The following HMCN1 variants were observed in gnomAD, a reference collection of about 807,000 sequenced individuals.
HMCN1 encodes hemicentin-1.
Under a neutral mutation model 625.9 loss-of-function variants are expected in HMCN1, and 321 were observed. That is an observed-to-expected ratio of 0.51 (90% CI 0.47 to 0.56). The LOEUF (loss-of-function observed/expected upper bound fraction) is 0.56, where lower values mean the gene tolerates loss of function less well. Among genes scored for constraint, HMCN1 ranks in the 20% least tolerant of loss-of-function variants. The pLI, the probability that HMCN1 is intolerant of heterozygous loss-of-function variation, is 0.00. For missense variants in HMCN1, 6,588 were observed against 6,887.3 expected (o/e 0.96, Z 1.54); for synonymous variants, 2,425 against 2,417.6 (o/e 1.00, Z -0.09).
At chr1:185,735,885 A>C (rs1410752262) in intron 1 of HMCN1, among the ~76,000 whole-genome samples, 3 of 152,208 alleles carry the variant, frequency 2.0e-5, no homozygotes, top group African/African-American at 7.2e-5. Flanking sequence ...TGGGGCTGGC[A>C]GTCTAATGTC....
At chr1:185,983,463 TGA>T (rs931440060) in intron 18 of HMCN1, among the ~76,000 whole-genome samples, 2 of 152,102 alleles carry the variant, frequency 1.3e-5, no homozygotes, top group African/African-American at 4.8e-5. Context: ...AAAAGTGAAT[TGA>T]CTCCATCTAA....
chr1:185,775,724 G>T (rs1656554048), intron 1 of HMCN1, among the ~76,000 whole-genome samples: 1 of 152,172 alleles, frequency 6.6e-6, no homozygotes, highest in Non-Finnish European at 1.5e-5. Context: ...CATGTGAATT[G>T]GGGAAGACCT....
At chr1:186,015,772 T>G (rs1214855415) in intron 31 of HMCN1, among the ~76,000 whole-genome samples, 186 bp from the exon 32 acceptor site, 1 of 152,106 alleles carries the variant, frequency 6.6e-6, no homozygotes, top group African/African-American at 2.4e-5. Flanking sequence ...CCAGAATAAT[T>G]AGGACAGTTA....
At chr1:185,956,651 T>C (rs1288813217) in intron 11 of HMCN1, among the ~76,000 whole-genome samples, 1 of 152,132 alleles carries the variant, frequency 6.6e-6, no homozygotes, top group Non-Finnish European at 1.5e-5. Context: ...TTTATGGAGA[T>C]GTCCTTCTGT....
chr1:185,893,552 G>A (rs539721024), intron 4 of HMCN1, among the ~76,000 whole-genome samples: 3 of 152,038 alleles, frequency 2.0e-5, no homozygotes, highest in South Asian at 2.1e-4. Flanking sequence ...ATGGTTTCCC[G>A]AGTGTGTGGT....
intron 78 of HMCN1, 126 bp from the exon 79 acceptor site, chr1:186,119,619 T>C: frequency 2.0e-6 from 2 of 1,013,996 alleles, no homozygotes; most frequent in Admixed American, 4.1e-5. Context: ...TTCACTTTTC[T>C]CTTGGGCAAT....
chr1:185,957,002 T>C (rs1024727491), intron 11 of HMCN1: 4 of 152,250 alleles, frequency 2.6e-5, no homozygotes, highest in African/African-American at 9.6e-5. Flanking sequence ...AATAGATGTA[T>C]AATTCCTTAA....
intron 1 of HMCN1, among the ~76,000 whole-genome samples, chr1:185,752,914 C>T (rs369800821): frequency 6.6e-6 from 1 of 152,000 alleles, no homozygotes; most frequent in African/African-American, 2.4e-5. Context: ...CCTTTATAAA[C>T]CTAGAGGCAA....
intron 41 of HMCN1, among the ~76,000 whole-genome samples, chr1:186,048,351 A>T (rs1057194312): frequency 1.3e-5 from 2 of 152,196 alleles, no homozygotes; most frequent in Non-Finnish European, 2.9e-5. Context: ...GGAGAAAGAT[A>T]AATGTAATAT....
At chr1:186,074,334 T>C (rs1356087026) in intron 52 of HMCN1, among the ~76,000 whole-genome samples, 2 of 151,958 alleles carry the variant, frequency 1.3e-5, no homozygotes, top group African/African-American at 4.8e-5. Flanking sequence ...TATACTAATG[T>C]GCTCAATCTT....
At chr1:186,154,262 C>T (rs1046822523) in intron 97 of HMCN1, among the ~76,000 whole-genome samples, 4 of 152,140 alleles carry the variant, frequency 2.6e-5, no homozygotes, top group East Asian at 1.9e-4. Context: ...TATAATGTGG[C>T]GGGGCGTGGT....
At chr1:186,000,482 C>T (rs959507459) in intron 26 of HMCN1, among the ~76,000 whole-genome samples, 14 of 150,896 alleles carry the variant, frequency 9.3e-5, no homozygotes, top group African/African-American at 3.2e-4. Context: ...GTCTCCTGAC[C>T]CTGTGCTGAG....
At chr1:186,175,380 T>C (rs1652495550) in intron 103 of HMCN1, among the ~76,000 whole-genome samples, 1 of 152,218 alleles carries the variant, frequency 6.6e-6, no homozygotes, top group Admixed American at 6.5e-5. Context: ...GTTGCCTTCT[T>C]GTCCACTTAA....
intron 97 of HMCN1, among the ~76,000 whole-genome samples, chr1:186,157,479 C>G (rs989439588): frequency 1.3e-5 from 2 of 152,020 alleles, no homozygotes; most frequent in African/African-American, 2.4e-5. Context: ...ATTTTGGGAA[C>G]ATTAAGCAAC....
At chr1:186,182,105 G>T in intron 104 of HMCN1, 63 bp from the exon 105 acceptor site, 1 of 1,589,252 alleles carries the variant, frequency 6.3e-7, no homozygotes, top group Non-Finnish European at 8.6e-7. Flanking sequence ...ATGAGAGTTG[G>T]CTCTGTCACA....
Position 186,065,590 on chromosome 1 carries a change from A to G in HMCN1, c.7705+161A>G, listed in dbSNP as rs532380908. 2.6e-5 allele frequency among the ~76,000 whole-genome samples: 4 copies of G among 152,298 alleles called. No homozygotes were observed. In the South Asian group the frequency reaches 6.2e-4, roughly 24 times the overall value. The stretch of plus-strand genomic sequence containing the variant: ...TACTATTTTTCCTGAATTAATTTAT[A>G]AATTAATTTATGACATATGGAATAC... On this transcript the variant is annotated intron_variant, in intron 49 of 106. Coordinates refer to ENST00000271588, the MANE Select transcript of HMCN1 (RefSeq NM_031935.3).
At chr1:186,151,508 C>T (rs959274601) in intron 94 of HMCN1, 98 bp from the exon 95 acceptor site, 13 of 1,364,554 alleles carry the variant, frequency 9.5e-6, no homozygotes, top group Non-Finnish European at 1.3e-5. Context: ...TGGTATTCAA[C>T]ATTATTTAGA....
intron 7 of HMCN1, 67 bp from the exon 8 acceptor site, chr1:185,923,323 T>C: frequency 8.3e-7 from 1 of 1,208,576 alleles, no homozygotes; most frequent in South Asian, 1.2e-5. Flanking sequence ...ATCATGCAAA[T>C]ACTTATTTGA....
chr1:186,131,688 T>C (rs913892572), intron 85 of HMCN1, among the ~76,000 whole-genome samples: 2 of 152,168 alleles, frequency 1.3e-5, no homozygotes, highest in Non-Finnish European at 2.9e-5. Context: ...CCTGAATTCT[T>C]CCATTCACAA....
Sources: gnomAD v4.1 joint callset for allele counts (sites outside exome capture counted in the v4.1 genomes callset) on GRCh38, gnomAD v4.1.1 for gene constraint, MANE v1.5 for transcripts, NCBI Gene and HGNC (gene_info 2026-07-23, HGNC 2026-07-21) for gene names.